Variants in ZNF862 observed in about 807,000 individuals in gnomAD.
ZNF862 encodes zinc finger protein 862.
In ZNF862, 64 loss-of-function variants were observed where a neutral mutation model predicts 91.1. That is an observed-to-expected ratio of 0.70 (90% CI 0.57 to 0.87). The LOEUF (loss-of-function observed/expected upper bound fraction) is 0.87. Ranked by LOEUF, ZNF862 falls within the 40% of genes least tolerant of loss-of-function variation. The pLI, the probability that ZNF862 is intolerant of heterozygous loss-of-function variation, is 0.00. For synonymous variants in ZNF862, 631 were observed against 618.1 expected, an observed-to-expected ratio of 1.02 and a Z score of -0.31; for missense variants, 1,459 against 1,528.0, an observed-to-expected ratio of 0.95 and a Z score of 0.75.
chr7:149,862,631 CATCCACCCTCCA>C (rs940452046), intron 7 of ZNF862, 137 bp downstream of exon 7: 2 of 969,196 alleles, frequency 2.1e-6, no homozygotes, highest in Non-Finnish European at 3.0e-6. Flanking sequence ...CGATGCGTGA[CATCCACCCTCCA>C]GGAGCTTGCA....
Position 149,861,847 on chromosome 7 carries a change from G to T in ZNF862, c.2687G>T (p.Ser896Ile). 1 of 1,613,764 alleles carries T rather than the reference G, an allele frequency of 6.2e-7. No individual in the cohort carries two copies. The highest frequency in any genetic ancestry group is 8.5e-7 in the Non-Finnish European group (1 of 1,179,900). Residue 896 changes from serine to isoleucine, a missense_variant, in exon 7 of 8, where the codon AGC becomes ATC. Ser to Ile is a moderately radical substitution (Grantham distance 142). Coordinates refer to ENST00000223210, the MANE Select transcript of ZNF862 (RefSeq NM_001099220.3). The surrounding 1 kb of genome is among the most constrained non-coding windows in gnomAD (Gnocchi z 6.7). The part of the protein sequence containing the change: ...AGPKEEEFNA[S>I]FKDGRLHGIC... ...CCCAAAGAGGAAGAATTCAACGCCA[G>T]CTTCAAGGATGGGCGGCTCCACGGC... is the stretch of plus-strand genomic sequence containing the variant.
chr7:149,842,575 CTA>C (rs991500323), intron 1 of ZNF862, among the ~76,000 whole-genome samples: 6 of 152,208 alleles, frequency 3.9e-5, no homozygotes, highest in African/African-American at 1.4e-4. Flanking sequence ...TAGGAAGACA[CTA>C]TTATCCAAAT....
intron 5 of ZNF862, among the ~76,000 whole-genome samples, chr7:149,857,883 C>A (rs1802316243): frequency 6.6e-6 from 1 of 152,140 alleles, no homozygotes; most frequent in East Asian, 1.9e-4. Flanking sequence ...CCCCTTGGTC[C>A]ATAGACATGA....
At chr7:149,851,883 T>C (rs73727657) in intron 5 of ZNF862, 4,080 of 152,286 alleles carry the variant, frequency 0.027, 172 homozygotes, top group African/African-American at 0.091. Context: ...GAGGCAGGAA[T>C]CAGAAAGGCT....
intron 5 of ZNF862, chr7:149,859,201 C>T: frequency 3.4e-6 from 2 of 586,254 alleles, no homozygotes; most frequent in Non-Finnish European, 3.1e-6. Context: ...ATGGCTGGCC[C>T]ATGGATCTGA....
At chr7:149,845,011 C>T (rs1164380279) in intron 2 of ZNF862, 1 of 377,288 alleles carries the variant, frequency 2.7e-6, no homozygotes, top group African/African-American at 2.1e-5. Flanking sequence ...CTCAGAATGC[C>T]CCAAGGGGCC....
chr7:149,838,706 G>C, intron 1 of ZNF862, 71 bp downstream of exon 1: 1 of 1,020,314 alleles, frequency 9.8e-7, no homozygotes, highest in Non-Finnish European at 1.3e-6. Flanking sequence ...GGCGAGGCGG[G>C]GCGGCTCGGG....
Position 149,846,268 on chromosome 7 carries a change from C to T in ZNF862, c.241+13C>T, listed in dbSNP as rs1469456623. On this transcript the variant is annotated intron_variant, in intron 3 of 7. Transcript: ENST00000223210. The stretch of plus-strand genomic sequence containing the variant: ...GAGCATCACCCAGGTGAGTGTGGAA[C>T]TGCACTCAGGGGCAGATGCTTGGCT... 1.2e-6 allele frequency: 2 copies of T among 1,604,126 alleles called. No individual in the cohort carries two copies. The highest frequency in any genetic ancestry group is 1.1e-5 in the South Asian group (1 of 90,298).
chr7:149,858,266 C>T (rs1386873492), intron 5 of ZNF862: 1 of 152,210 alleles, frequency 6.6e-6, no homozygotes, highest in African/African-American at 2.4e-5. Context: ...GTCTCCTTCC[C>T]TTCCAAAAAT....
chr7:149,846,135 T>C lies in ZNF862; in HGVS notation c.137-16T>C, dbSNP rs748013434. ...TTTTCTCTCTCTCTCGCTCTCTTTTTTTTTTTTGGACTCAGGACCAACTGT... is the reference window on the plus strand; with the variant it reads ...TTTTCTCTCTCTCTCGCTCTCTTTTCTTTTTTTGGACTCAGGACCAACTGT... On this transcript the variant is annotated splice_polypyrimidine_tract_variant and intron_variant, in intron 2 of 7. Coordinates refer to ENST00000223210, the MANE Select transcript of ZNF862 (RefSeq NM_001099220.3). The C allele has an allele frequency of 1.3e-6, 2 of 1,596,054 alleles. No homozygotes were observed. The highest frequency in any genetic ancestry group is 2.2e-5 in the South Asian group (2 of 89,276).
chr7:149,850,620 G>A lies in ZNF862; in HGVS notation c.1117+282G>A. 1 of 323,110 alleles carries A rather than the reference G, an allele frequency of 3.1e-6. No homozygotes were observed. Among genetic ancestry groups the A allele is most frequent in the Non-Finnish European group, 5.7e-6 (1 of 176,014 alleles). 20.0% of individuals were successfully genotyped at this position (323,110 alleles called of 1,614,324 possible). ...CTGATCCATGGTCTCTGCTTTCAAGGGCCTAGCACGTTTGTGGGAGAGACA... is the reference window on the plus strand; with the variant it reads ...CTGATCCATGGTCTCTGCTTTCAAGAGCCTAGCACGTTTGTGGGAGAGACA... On this transcript the variant is annotated intron_variant, in intron 5 of 7. Coordinates refer to ENST00000223210, the MANE Select transcript of ZNF862 (RefSeq NM_001099220.3). This position sits in a 1 kb window ranked among gnomAD's most constrained non-coding sequence, Gnocchi z 4.2.
chr7:149,842,924 G>C (rs1801755580), intron 1 of ZNF862, among the ~76,000 whole-genome samples: 1 of 152,122 alleles, frequency 6.6e-6, no homozygotes, highest in Non-Finnish European at 1.5e-5. Context: ...ATTTCATTTT[G>C]CTTTGGAAGC....
intron 6 of ZNF862, chr7:149,860,161 A>C: frequency 1.8e-6 from 1 of 559,410 alleles, no homozygotes; most frequent in Non-Finnish European, 3.1e-6. Context: ...CTGGTGAAAG[A>C]ACCCACAAGG....
chr7:149,857,082 A>G (rs1196703081), intron 5 of ZNF862, among the ~76,000 whole-genome samples: 1 of 152,078 alleles, frequency 6.6e-6, no homozygotes, highest in Non-Finnish European at 1.5e-5. Flanking sequence ...ATTTTCTCAA[A>G]TTTTTAATGA....
chr7:149,849,141 G>A (rs1157477043), intron 4 of ZNF862, among the ~76,000 whole-genome samples: 1 of 152,172 alleles, frequency 6.6e-6, no homozygotes, highest in East Asian at 1.9e-4. Flanking sequence ...TGTTGCACTT[G>A]TAAACATTGC....
At chr7:149,863,898 G>A (rs12539433) in intron 7 of ZNF862, among the ~76,000 whole-genome samples, 4,290 of 152,306 alleles carry the variant, frequency 0.028, 83 homozygotes, top group Middle Eastern at 0.048. Context: ...AATGGCCCCT[G>A]GGGGACAAAA....
rs758561548 is a variant in ZNF862, at chr7:149,861,576, G to A, written c.2416G>A (p.Ala806Thr). 13 of 1,594,764 alleles carry A rather than the reference G, an allele frequency of 8.2e-6. No individual in the cohort carries two copies. The highest frequency in any genetic ancestry group is 1.1e-5 in the South Asian group (1 of 89,212). ...TLHALLVSWP[A>T]LARHLQRVAE... ...GCACGCGCTGCTCGTGAGCTGGCCC[G>A]CCCTGGCCAGGCACCTCCAGAGGGT... Residue 806 changes from alanine (A) to threonine (T), a missense_variant, in exon 7 of 8, where the codon GCC becomes ACC. Physicochemically the swap from Ala to Thr is moderately conservative, Grantham distance 58. Transcript: ENST00000223210. This position sits in a 1 kb window ranked among gnomAD's most constrained non-coding sequence, Gnocchi z 6.7.
chr7:149,842,656 C>T (rs1312573131), intron 1 of ZNF862, among the ~76,000 whole-genome samples: 3 of 152,234 alleles, frequency 2.0e-5, no homozygotes, highest in Non-Finnish European at 4.4e-5. Flanking sequence ...TTATGCTCAC[C>T]TGTGCATGCC....
intron 3 of ZNF862, 103 bp from the exon 4 acceptor site, chr7:149,847,632 T>C (rs138289890): frequency 0.014 from 8,635 of 623,084 alleles, 484 homozygotes; most frequent in African/African-American, 0.14. Context: ...TGTGTGTGTG[T>C]GCTTTCCGTC....
Sources: allele counts gnomAD v4.1 joint callset (sites outside exome capture counted in the v4.1 genomes callset), GRCh38; gene constraint gnomAD v4.1.1; non-coding constraint Gnocchi (gnomAD v3.1); transcripts MANE v1.5; gene names NCBI Gene and HGNC (gene_info 2026-07-23, HGNC 2026-07-21).